ST6GALNAC1: variants seen among roughly 807,000 people sequenced by gnomAD.
ST6GALNAC1 encodes the protein alpha-N-acetylgalactosaminide alpha-2,6-sialyltransferase 1.
In ST6GALNAC1, 45 loss-of-function variants were observed where a neutral mutation model predicts 56.8. The ratio of observed to expected loss-of-function variants is 0.79; its 90% CI spans 0.62 to 1.02. The LOEUF (loss-of-function observed/expected upper bound fraction) is 1.02, where lower values mean the gene tolerates loss of function less well. Ranked by LOEUF, ST6GALNAC1 falls within the 50% of genes least tolerant of loss-of-function variation. ST6GALNAC1 has a pLI of 0.00. For synonymous variants in ST6GALNAC1, 295 were observed against 297.8 expected (o/e 0.99, Z 0.10); for missense variants, 743 against 754.8 (o/e 0.98, Z 0.18).
intron 1 of ST6GALNAC1, among the ~76,000 whole-genome samples, chr17:76,640,658 A>G (rs2076038225): frequency 6.6e-6 from 1 of 152,244 alleles, no homozygotes; most frequent in Non-Finnish European, 1.5e-5. Flanking sequence ...TTAAAGAACA[A>G]AAGTACAGAA....
downstream of ST6GALNAC1, among the ~76,000 whole-genome samples, chr17:76,620,188 G>A (rs147748042): frequency 2.0e-5 from 3 of 151,722 alleles, no homozygotes; most frequent in Non-Finnish European, 4.4e-5. Flanking sequence ...TTACAGGCAC[G>A]TGCCACCATG....
chr17:76,632,107 C>A (rs1335079219), intron 1 of ST6GALNAC1, among the ~76,000 whole-genome samples: 1 of 152,088 alleles, frequency 6.6e-6, no homozygotes, highest in African/African-American at 2.4e-5. Context: ...CCCGGTTTAA[C>A]AAACAGCTCT....
chr17:76,641,201 T>A (rs1380808414), intron 1 of ST6GALNAC1, among the ~76,000 whole-genome samples: 1 of 152,130 alleles, frequency 6.6e-6, no homozygotes, highest in Non-Finnish European at 1.5e-5. Context: ...CCTGCACAGA[T>A]CTCCCCCTGC....
In ST6GALNAC1 at chr17:76,625,107, C is replaced by T; in HGVS notation, c.*223G>A. The T allele has an allele frequency of 1.8e-6, 1 of 561,510 alleles. No homozygotes were observed. The allele number at this position is 561,510 out of a possible 1,614,324, so 34.8% of individuals were successfully genotyped here. On this transcript the variant is annotated 3_prime_UTR_variant, in exon 9 of 9. Transcript: ENST00000156626. ...CCCATCACCCCATTTAATTAAAAAT[C>T]CCTGGCCTCAGGACCTACAGCAATG... is the stretch of plus-strand genomic sequence containing the variant.
chr17:76,621,943 C>CTTTTTTTTTTTT (rs71158041), downstream of ST6GALNAC1, among the ~76,000 whole-genome samples: 6 of 138,004 alleles, frequency 4.3e-5, no homozygotes, highest in Non-Finnish European at 7.8e-5. Context: ...TCTTTCTTTT[C>CTTTTTTTTTTTT]TTTTTTTTTT....
intron 7 of ST6GALNAC1, 33 bp downstream of exon 7, chr17:76,625,973 C>T (rs2075792360): frequency 6.2e-7 from 1 of 1,611,432 alleles, no homozygotes; most frequent in Non-Finnish European, 8.5e-7. Context: ...TAACAGGGAC[C>T]TGGGCTACGT....
chr17:76,639,638 A>AACACACACACACACACAC (rs55706272), intron 1 of ST6GALNAC1, among the ~76,000 whole-genome samples: 8 of 125,168 alleles, frequency 6.4e-5, no homozygotes, highest in African/African-American at 2.6e-4. Flanking sequence ...TTACATGATA[A>AACACACACACACACACAC]ACACACACAC....
downstream of ST6GALNAC1, among the ~76,000 whole-genome samples, chr17:76,624,351 G>C (rs1206897553): frequency 1.3e-5 from 2 of 152,146 alleles, no homozygotes; most frequent in African/African-American, 4.8e-5. Flanking sequence ...CCAGGTTCAA[G>C]TGATTCTCCT....
At chr17:76,637,033 T>G (rs2075984334) in intron 1 of ST6GALNAC1, among the ~76,000 whole-genome samples, 2 of 151,806 alleles carry the variant, frequency 1.3e-5, no homozygotes, top group African/African-American at 4.8e-5. Context: ...TTAAGGGCGG[T>G]GCAAGATGTG....
chr17:76,637,815 G>T, intron 1 of ST6GALNAC1: 2 of 398,072 alleles, frequency 5.0e-6, no homozygotes. Flanking sequence ...AAATCAGGAG[G>T]TGATAGAAAA....
chr17:76,627,668 G>T lies in ST6GALNAC1; in HGVS notation c.832-85C>A. ...CTGCACCACTGCAGCAAGGGCTGGGGCTCGCAGTTTGGAAGGCGCGGCCTC... is the reference window on the plus strand; with the variant it reads ...CTGCACCACTGCAGCAAGGGCTGGGTCTCGCAGTTTGGAAGGCGCGGCCTC... On this transcript the variant is annotated intron_variant, in intron 2 of 8. Transcript: ENST00000156626. The surrounding 1 kb of genome is among the most constrained non-coding windows in gnomAD (Gnocchi z 4.4). 1.5e-6 allele frequency: 2 copies of T among 1,373,424 alleles called. No homozygotes were observed. Among genetic ancestry groups the T allele is most frequent in the South Asian group, 1.3e-5 (1 of 76,664 alleles). 85.1% of individuals were successfully genotyped at this position (1,373,424 alleles called of 1,614,324 possible). A position where few individuals can be genotyped will look rare whatever the true frequency, so the allele number is the denominator to read the frequency against.
downstream of ST6GALNAC1, among the ~76,000 whole-genome samples, chr17:76,621,182 C>CTTT (rs367846650): frequency 1.4e-3 from 148 of 105,314 alleles, 4 homozygotes; most frequent in South Asian, 3.1e-3. Flanking sequence ...TTCTTTCTTT[C>CTTT]TTTCTTTTTT....
At chr17:76,620,877 G>C (rs113943821), downstream of ST6GALNAC1, among the ~76,000 whole-genome samples, 1 of 151,978 alleles carries the variant, frequency 6.6e-6, no homozygotes, top group Admixed American at 6.6e-5. Flanking sequence ...TTACAGGCAT[G>C]AGCCACCATG....
rs2075809813 is a variant in ST6GALNAC1, at chr17:76,627,005, G to A, written c.1172+62C>T. ...GCAGAAGAGGGGCAAGAGAGGGGCTGGAGGGGGGCTGGAGGGGGCAGGAGA... is the reference window on the plus strand; with the variant it reads ...GCAGAAGAGGGGCAAGAGAGGGGCTAGAGGGGGGCTGGAGGGGGCAGGAGA... On this transcript the variant is annotated intron_variant, in intron 4 of 8. Coordinates refer to ENST00000156626, the MANE Select transcript of ST6GALNAC1 (RefSeq NM_018414.5). This position sits in a 1 kb window ranked among gnomAD's most constrained non-coding sequence, Gnocchi z 4.4. The A allele has an allele frequency of 2.7e-6, 4 of 1,500,712 alleles. No homozygotes were observed. In the African/African-American group the frequency reaches 5.6e-5, roughly 21 times the overall value. 93.0% of individuals were successfully genotyped at this position (1,500,712 alleles called of 1,614,324 possible). A position where few individuals can be genotyped will look rare whatever the true frequency, so the allele number is the denominator to read the frequency against.
At position 76,627,371 on chromosome 17, in the gene ST6GALNAC1, C is replaced by T. The variant is rs772494904; in HGVS notation, c.1000+44G>A. ...GCCAGCTGCCCTCTGCCCTCTGCCCCGGCCTACTGCGCACCCACACCTTCC... is the reference window on the plus strand; with the variant it reads ...GCCAGCTGCCCTCTGCCCTCTGCCCTGGCCTACTGCGCACCCACACCTTCC... On this transcript the variant is annotated intron_variant, in intron 3 of 8. Transcript: ENST00000156626. The surrounding 1 kb of genome is among the most constrained non-coding windows in gnomAD (Gnocchi z 4.4). The T allele has an allele frequency of 4.4e-5, 69 of 1,565,280 alleles. No homozygotes were observed. In the South Asian group the frequency reaches 5.7e-4, roughly 13 times the overall value.
At chr17:76,619,057 T>C in the ST6GALNAC1 span, among the ~76,000 whole-genome samples, 2 of 152,220 alleles carry the variant, frequency 1.3e-5, no homozygotes, top group South Asian at 2.1e-4. Flanking sequence ...TCATTACCAA[T>C]TTTCATTCTC....
intron 1 of ST6GALNAC1, among the ~76,000 whole-genome samples, chr17:76,631,250 C>T (rs2075894943): frequency 6.6e-6 from 1 of 152,164 alleles, no homozygotes; most frequent in Non-Finnish European, 1.5e-5. Context: ...GGCCTAAACA[C>T]ACACATTTTT....
chr17:76,621,988 A>G (rs1406858655), downstream of ST6GALNAC1, among the ~76,000 whole-genome samples: 2 of 142,086 alleles, frequency 1.4e-5, no homozygotes, highest in African/African-American at 5.2e-5. Flanking sequence ...AATAGAGACC[A>G]GGGTCTTGTT....
intron 1 of ST6GALNAC1, 23 bp from the exon 2 acceptor site, chr17:76,629,734 A>G: frequency 6.4e-7 from 1 of 1,553,014 alleles, no homozygotes. Flanking sequence ...ATAACCTTTG[A>G]TGAAGGCTGA....
Sources: allele counts gnomAD v4.1 joint callset (sites outside exome capture counted in the v4.1 genomes callset), GRCh38; gene constraint gnomAD v4.1.1; non-coding constraint Gnocchi (gnomAD v3.1); transcripts MANE v1.5; gene names NCBI Gene and HGNC (gene_info 2026-07-23, HGNC 2026-07-21).